The following TNRC6C variants were observed in gnomAD, a reference collection of about 807,000 sequenced individuals.
TNRC6C encodes trinucleotide repeat containing adaptor 6C.
TNRC6C carries 20 observed loss-of-function variants against 153.7 expected under a neutral mutation model. That is an observed-to-expected ratio of 0.13 (90% CI 0.09 to 0.19). The LOEUF (loss-of-function observed/expected upper bound fraction) is 0.19. Ranked by LOEUF, TNRC6C falls within the 10% of genes least tolerant of loss-of-function variation. The probability of loss-of-function intolerance (pLI) is 1.00; values close to 1 mark genes in which losing one functional copy is unlikely to be tolerated. For synonymous variants in TNRC6C, 811 were observed against 841.4 expected (o/e 0.96, Z 0.63); for missense variants, 1,987 against 2,172.0 (o/e 0.91, Z 1.69).
chr17:78,098,521 C>G (rs373937507), exon 17 of TNRC6C: 2 of 1,613,082 alleles, frequency 1.2e-6, no homozygotes, highest in Non-Finnish European at 1.7e-6. Flanking sequence ...TCGGCTGGAC[C>G]AGCTCCTACT....
chr17:77,979,133 G>A (rs1312500241), intron 1 of TNRC6C, among the ~76,000 whole-genome samples: 1 of 152,158 alleles, frequency 6.6e-6, no homozygotes, highest in African/African-American at 2.4e-5. Flanking sequence ...AGTGACAAAT[G>A]GAGGATTTCA....
chr17:78,046,357 A>G (rs991856083), intron 2 of TNRC6C, among the ~76,000 whole-genome samples: 1 of 151,824 alleles, frequency 6.6e-6, no homozygotes, highest in African/African-American at 2.4e-5. Flanking sequence ...ATTTTTGTGT[A>G]AGTAGAGACG....
chr17:78,082,991 C>G, intron 10 of TNRC6C, 56 bp from the exon 13 acceptor site: 1 of 1,592,420 alleles, frequency 6.3e-7, no homozygotes, highest in Non-Finnish European at 8.6e-7. Context: ...ACTACAGGTA[C>G]AAGTAACTAT....
Position 77,982,024 on chromosome 17 carries a change from C to T in TNRC6C, c.-37-22146C>T, listed in dbSNP as rs150907489. ...GTATTTAGTTCGTGAAGGTGGAACC[C>T]TCACAAATGGGATTAGAGACACAGA... is the stretch of plus-strand genomic sequence containing the variant. On this transcript the variant is annotated intron_variant, in intron 1 of 22. Transcript: ENST00000636222. 2.3e-4 allele frequency among the ~76,000 whole-genome samples: 35 copies of T among 152,280 alleles called. No homozygotes were observed. In the East Asian group the frequency reaches 3.3e-3, roughly 14 times the overall value.
chr17:77,966,415 A>G lies in TNRC6C; in HGVS notation c.-38+7147A>G, dbSNP rs76219810. 2.5e-4 allele frequency among the ~76,000 whole-genome samples: 38 copies of G among 152,362 alleles called. No individual in the cohort carries two copies. The East Asian group carries it at 7.3e-3, about 29-fold the overall frequency. ...GATGCCTACATACTGGTAGGGTCAA[A>G]CTGAAAAGCTGTTACAAAGAATCAG... is the stretch of plus-strand genomic sequence containing the variant. On this transcript the variant is annotated intron_variant, in intron 1 of 22. Transcript: ENST00000636222.
chr17:78,023,955 C>T (rs1233616216), intron 1 of TNRC6C, among the ~76,000 whole-genome samples: 2 of 151,742 alleles, frequency 1.3e-5, no homozygotes, highest in Non-Finnish European at 2.9e-5. Flanking sequence ...ACTAAAAATA[C>T]AAAAATTAGC....
At chr17:78,053,628 C>CA (rs1275700681) in intron 3 of TNRC6C, among the ~76,000 whole-genome samples, 1,001 of 87,690 alleles carry the variant, frequency 0.011, 6 homozygotes, top group African/African-American at 0.021. Flanking sequence ...AACTCTGTCT[C>CA]AAAAAAAAAA....
chr17:78,021,873 T>G (rs972103514), intron 1 of TNRC6C, among the ~76,000 whole-genome samples: 1 of 152,240 alleles, frequency 6.6e-6, no homozygotes, highest in African/African-American at 2.4e-5. Context: ...CCTGGTCTAT[T>G]TATTTATAAT....
At position 77,970,447 on chromosome 17, in the gene TNRC6C, C is replaced by G. The variant is rs541512457; in HGVS notation, c.-38+11179C>G. On this transcript the variant is annotated intron_variant, in intron 1 of 22. Transcript: ENST00000636222. ...TTGTTTTTGTAAAGACAGGGTCTTC[C>G]TATGTTGCTGGGATTGCAAGTGTGA... Among the ~76,000 whole-genome samples, 38 of 152,188 alleles carry G rather than the reference C, an allele frequency of 2.5e-4. No homozygotes were observed. In the South Asian group the frequency reaches 5.6e-3, roughly 22 times the overall value.
At chr17:78,103,432 C>T (rs762513681) in exon 19 of TNRC6C, 1 of 1,613,974 alleles carries the variant, frequency 6.2e-7, no homozygotes, top group East Asian at 2.2e-5. Flanking sequence ...TTCTACACTG[C>T]GGACATTGTG....
chr17:78,031,682 C>T, exon 2 of TNRC6C: 1 of 1,232,400 alleles, frequency 8.1e-7, no homozygotes, highest in Non-Finnish European at 1.0e-6. Context: ...CTCCACGCTT[C>T]CGCCAGCAAG....
At chr17:78,076,774 C>G (rs1216400948) in intron 8 of TNRC6C, among the ~76,000 whole-genome samples, 2 of 152,164 alleles carry the variant, frequency 1.3e-5, no homozygotes, top group Non-Finnish European at 2.9e-5. Flanking sequence ...CCCTATGAAA[C>G]TGCTGTGTTT....
At chr17:78,076,134 T>G (rs2144351720) in intron 8 of TNRC6C, among the ~76,000 whole-genome samples, 1 of 151,570 alleles carries the variant, frequency 6.6e-6, no homozygotes, top group South Asian at 2.1e-4. Context: ...GAGAATTGCT[T>G]GAACCCGGGA....
chr17:78,042,836 ATGG>A (rs917889242), intron 2 of TNRC6C, among the ~76,000 whole-genome samples: 1 of 151,814 alleles, frequency 6.6e-6, no homozygotes, highest in Admixed American at 6.6e-5. Context: ...AACAGTGGTG[ATGG>A]TGGTGGTGGT....
At position 78,079,570 on chromosome 17, in the gene TNRC6C, C is replaced by A. The variant is rs1215987899; in HGVS notation, c.3357+29C>A. On this transcript the variant is annotated intron_variant, in intron 10 of 19. Transcript: ENST00000301624. The surrounding 1 kb of genome is among the most constrained non-coding windows in gnomAD (Gnocchi z 4.3). ...AGACCCACATCCAAGCAGGACTGAG[C>A]AACAGGATATAGATGCCAGTGTTTC... The A allele has an allele frequency of 2.5e-6, 4 of 1,611,184 alleles. No individual in the cohort carries two copies. Among genetic ancestry groups the A allele is most frequent in the Non-Finnish European group, 2.5e-6 (3 of 1,177,748 alleles).
At position 78,079,395 on chromosome 17, in the gene TNRC6C, A is replaced by G. The variant is rs1451147542; in HGVS notation, c.3211A>G (p.Ile1071Val). 3 of 1,613,918 alleles carry G rather than the reference A, an allele frequency of 1.9e-6. No individual in the cohort carries two copies. Among genetic ancestry groups the G allele is most frequent in the Non-Finnish European group, 2.5e-6 (3 of 1,179,842 alleles). The change falls in exon 10 of 20, where the codon ATA becomes GTA. Residue 1071 changes from isoleucine to valine, a missense_variant and splice_region_variant. Coordinates refer to ENST00000301624, the Ensembl canonical transcript of TNRC6C. This position sits in a 1 kb window ranked among gnomAD's most constrained non-coding sequence, Gnocchi z 4.3. ...CGTGTTTAATTCTGTCCCTGTGCAG[A>G]TACCGAGTGGCAATCTGGGTATGTT...
intron 18 of TNRC6C, 67 bp from the exon 22 acceptor site, chr17:78,103,347 C>G: frequency 6.4e-7 from 1 of 1,572,850 alleles, no homozygotes; most frequent in Non-Finnish European, 8.6e-7. Flanking sequence ...TACGTTTTTT[C>G]TTTGGAAGGC....
At chr17:78,092,445 A>G (rs1368591133) in intron 14 of TNRC6C, among the ~76,000 whole-genome samples, 1 of 152,170 alleles carries the variant, frequency 6.6e-6, no homozygotes, top group East Asian at 1.9e-4. Context: ...AATCACAAAG[A>G]CTCATAAGTT....
chr17:78,106,832 A>AT (rs2073705495), exon 20 of TNRC6C: 1 of 151,024 alleles, frequency 6.6e-6, no homozygotes, highest in South Asian at 2.1e-4. Context: ...AAACTTGTGC[A>AT]TTACATTTTT....
Sources: gnomAD v4.1 joint callset for allele counts (sites outside exome capture counted in the v4.1 genomes callset) on GRCh38, gnomAD v4.1.1 for gene constraint, Gnocchi (gnomAD v3.1) non-coding constraint, MANE v1.5 for transcripts, NCBI Gene and HGNC (gene_info 2026-07-23, HGNC 2026-07-21) for gene names.